Variants in GTF3C6 observed in about 807,000 individuals in gnomAD.
GTF3C6 encodes general transcription factor IIIC subunit 6, also known as general transcription factor 3C polypeptide 6.
In GTF3C6, 11 loss-of-function variants were observed where a neutral mutation model predicts 19.2. The ratio of observed to expected loss-of-function variants is 0.57; its 90% CI spans 0.36 to 0.95. GTF3C6 has a LOEUF of 0.95. GTF3C6 is among the 40% of genes least tolerant of loss of function. GTF3C6 has a pLI of 0.01. For missense variants in GTF3C6, 222 were observed against 254.7 expected, an observed-to-expected ratio of 0.87 and a Z score of 0.87; for synonymous variants, 87 against 84.2, an observed-to-expected ratio of 1.03 and a Z score of -0.18.
intron 5 of GTF3C6, among the ~76,000 whole-genome samples, chr6:110,967,067 C>T (rs879622766): frequency 2.0e-5 from 3 of 151,874 alleles, no homozygotes; most frequent in East Asian, 1.9e-4. Context: ...GCACAAGAAT[C>T]GCTTGAACCA....
intron 1 of GTF3C6, 167 bp from the exon 2 acceptor site, chr6:110,959,005 C>T (rs1260289170): frequency 1.2e-6 from 1 of 836,780 alleles, no homozygotes; most frequent in African/African-American, 1.7e-5. Flanking sequence ...AATCGTCACC[C>T]CGTACTTGGG....
rs1447638755 is a variant in GTF3C6, at chr6:110,967,596, G to A, written c.448G>A (p.Glu150Lys). ...TAACTTTCTACATGAAAATGAAGAC[G>A]AAGAAGTGGTAGCTTCAGCCCCAGA... ...ICNFLHENED[E>K]EVVASAPDKS... is the part of the protein sequence containing the mutation. Residue 150 changes from glutamate to lysine, a missense_variant, in exon 6 of 6, where the codon GAA becomes AAA. Coordinates refer to ENST00000329970, the MANE Select transcript of GTF3C6 (RefSeq NM_138408.4). 8 of 1,613,950 alleles carry A rather than the reference G, an allele frequency of 5.0e-6. No individual in the cohort carries two copies. Among genetic ancestry groups the A allele is most frequent in the African/African-American group, 4.0e-5 (3 of 75,028 alleles).
chr6:110,961,922 G>A (rs1473773830), intron 4 of GTF3C6, among the ~76,000 whole-genome samples: 8 of 132,328 alleles, frequency 6.0e-5, no homozygotes, highest in African/African-American at 8.8e-5. Flanking sequence ...TTTTTTTCTT[G>A]AGACAGTTTT....
chr6:110,958,840 C>T lies in GTF3C6; in HGVS notation c.57+14C>T. On this transcript the variant is annotated intron_variant, in intron 1 of 5. Coordinates refer to ENST00000329970, the MANE Select transcript of GTF3C6 (RefSeq NM_138408.4). ...GAGGAAGAGGAGGTAGTAAGCGCTA[C>T]GCCAAAAGCCTGCACCGCAGTGGCG... 6.4e-7 allele frequency: 1 copy of T among 1,550,554 alleles called. No individual in the cohort carries two copies. The highest frequency in any genetic ancestry group is 8.7e-7 in the Non-Finnish European group (1 of 1,146,578).
At chr6:110,964,448 T>G (rs1771203106) in intron 5 of GTF3C6, among the ~76,000 whole-genome samples, 1 of 151,828 alleles carries the variant, frequency 6.6e-6, no homozygotes, top group African/African-American at 2.4e-5. Context: ...TTTCACCATG[T>G]TGGTCAGGCT....
chr6:110,967,363 A>G (rs868063475), intron 5 of GTF3C6, 147 bp from the exon 6 acceptor site: 60 of 662,888 alleles, frequency 9.1e-5, no homozygotes, highest in Admixed American at 6.4e-5. Context: ...ATATTTTATC[A>G]GTAGTTACAG....
chr6:110,959,892 G>C (rs1771136731), intron 2 of GTF3C6, among the ~76,000 whole-genome samples: 1 of 152,104 alleles, frequency 6.6e-6, no homozygotes, highest in African/African-American at 2.4e-5. Flanking sequence ...TGGAGGCAGA[G>C]GTTGCAGTGA....
At chr6:110,960,722 A>G (rs1043175224) in intron 4 of GTF3C6, 106 bp downstream of exon 4, 2 of 935,586 alleles carry the variant, frequency 2.1e-6, no homozygotes, top group African/African-American at 3.4e-5. Context: ...ATATCCTATC[A>G]TTTTCCCAAA....
intron 4 of GTF3C6, 138 bp downstream of exon 4, chr6:110,960,754 A>G: frequency 1.3e-6 from 1 of 769,204 alleles, no homozygotes; most frequent in South Asian, 1.7e-5. Flanking sequence ...TTATAGTTAA[A>G]AAAAAAAAAT....
chr6:110,959,555 C>A (rs1316637452), intron 2 of GTF3C6, among the ~76,000 whole-genome samples: 1 of 152,058 alleles, frequency 6.6e-6, no homozygotes, highest in East Asian at 1.9e-4. Flanking sequence ...TGGAACCGTA[C>A]ATATATTCCT....
intron 5 of GTF3C6, among the ~76,000 whole-genome samples, 186 bp downstream of exon 5, chr6:110,962,691 C>A (rs949966977): frequency 1.3e-5 from 2 of 152,226 alleles, no homozygotes; most frequent in Admixed American, 1.3e-4. Context: ...CCACCTCCGC[C>A]TCCTGGGCTC....
intron 2 of GTF3C6, among the ~76,000 whole-genome samples, chr6:110,960,062 A>G (rs1043768010): frequency 1.3e-5 from 2 of 152,122 alleles, no homozygotes; most frequent in Non-Finnish European, 2.9e-5. Flanking sequence ...TTGCCTGAAC[A>G]TGATCATGCC....
Position 110,967,723 on chromosome 6 carries a change from G to A in GTF3C6, c.575G>A (p.Gly192Asp). The A allele has an allele frequency of 6.2e-7, 1 of 1,613,916 alleles. No homozygotes were observed. The change falls in exon 6 of 6, where the codon GGT becomes GAT. Residue 192 changes from glycine to aspartate, a missense_variant. Physicochemically the swap from Gly to Asp is moderately conservative, Grantham distance 94. Transcript: ENST00000329970. ...ATGCACTTGGAAATAGAAGATTCTG[G>A]TCCTCTTATTGATATACCTTCTGAG... ...KPMHLEIEDSGPLIDIPSETE... is the reference protein window; with the variant it reads ...KPMHLEIEDSDPLIDIPSETE...
At chr6:110,959,076 C>G in intron 1 of GTF3C6, 96 bp from the exon 2 acceptor site, 1 of 960,884 alleles carries the variant, frequency 1.0e-6, no homozygotes, top group Non-Finnish European at 1.7e-6. Context: ...AAACAGGGTC[C>G]GGTTTTCACA....
intron 4 of GTF3C6, 113 bp from the exon 5 acceptor site, chr6:110,962,279 A>G (rs1283443593): frequency 4.8e-6 from 3 of 628,110 alleles, no homozygotes; most frequent in Non-Finnish European, 8.7e-6. Flanking sequence ...TTACTACACT[A>G]TCTTGACAGG....
chr6:110,961,302 C>T (rs1771157421), intron 4 of GTF3C6, among the ~76,000 whole-genome samples: 1 of 151,792 alleles, frequency 6.6e-6, no homozygotes, highest in African/African-American at 2.4e-5. Context: ...AGGCGCCTGC[C>T]ACCACGCCTA....
chr6:110,963,514 G>A (rs753274623), intron 5 of GTF3C6, among the ~76,000 whole-genome samples: 2 of 151,998 alleles, frequency 1.3e-5, no homozygotes, highest in African/African-American at 2.4e-5. Context: ...ACATTCATGT[G>A]TAAGATGTGC....
In GTF3C6 at chr6:110,960,483, A is replaced by G; in HGVS notation, c.202+6A>G. ...CTTTGCTGGGGAGTATGAAGGTAGG[A>G]GGATGTCAGATAGATGGAACTCTTT... is the stretch of plus-strand genomic sequence containing the variant. On this transcript the variant is annotated splice_donor_region_variant and intron_variant, in intron 3 of 5. Coordinates refer to ENST00000329970, the MANE Select transcript of GTF3C6 (RefSeq NM_138408.4). 1 of 1,613,578 alleles carries G rather than the reference A, an allele frequency of 6.2e-7. No individual in the cohort carries two copies. Among genetic ancestry groups the G allele is most frequent in the Non-Finnish European group, 8.5e-7 (1 of 1,179,650 alleles).
intron 5 of GTF3C6, among the ~76,000 whole-genome samples, chr6:110,967,140 C>T (rs1048664085): frequency 2.0e-5 from 3 of 151,088 alleles, no homozygotes; most frequent in African/African-American, 7.3e-5. Flanking sequence ...GGTGACAGAG[C>T]GAGACTTTGT....
Sources: allele counts gnomAD v4.1 joint callset (sites outside exome capture counted in the v4.1 genomes callset), GRCh38; gene constraint gnomAD v4.1.1; transcripts MANE v1.5; gene names NCBI Gene and HGNC (gene_info 2026-07-23, HGNC 2026-07-21).